The following LTBP1 variants were observed in gnomAD, a reference collection of about 807,000 sequenced individuals.
LTBP1 encodes latent-transforming growth factor beta-binding protein 1.
LTBP1 carries 129 observed loss-of-function variants against 207.6 expected under a neutral mutation model. The ratio of observed to expected loss-of-function variants is 0.62; its 90% CI spans 0.54 to 0.72. The LOEUF is 0.72. Ranked by LOEUF, LTBP1 falls within the 30% of genes least tolerant of loss-of-function variation. LTBP1 has a pLI of 0.00. For missense variants in LTBP1, 2,281 were observed against 2,217.2 expected, an observed-to-expected ratio of 1.03 and a Z score of -0.58; for synonymous variants, 963 against 833.7, an observed-to-expected ratio of 1.16 and a Z score of -2.67.
intron 3 of LTBP1, among the ~76,000 whole-genome samples, chr2:33,097,985 G>A (rs2079487450): frequency 6.6e-6 from 1 of 152,096 alleles, no homozygotes; most frequent in Admixed American, 6.5e-5. Flanking sequence ...TGATTAGTAG[G>A]TCAATGAGTA....
chr2:33,101,787 T>A (rs760129166), intron 3 of LTBP1, among the ~76,000 whole-genome samples: 17 of 152,318 alleles, frequency 1.1e-4, no homozygotes, highest in Middle Eastern at 3.4e-3. Flanking sequence ...AGTAACCAAA[T>A]GTAGTAGCTC....
chr2:33,214,947 A>G (rs572445937), intron 7 of LTBP1, among the ~76,000 whole-genome samples: 10 of 151,030 alleles, frequency 6.6e-5, no homozygotes, highest in Admixed American at 6.6e-4. Flanking sequence ...CTGCTTTTAT[A>G]TTAGGGAAGT....
At chr2:32,982,878 C>G (rs1388280889) in intron 2 of LTBP1, among the ~76,000 whole-genome samples, 1 of 152,196 alleles carries the variant, frequency 6.6e-6, no homozygotes, top group East Asian at 1.9e-4. Context: ...GGGGCAGGGC[C>G]CTCATGGAGA....
intron 23 of LTBP1, among the ~76,000 whole-genome samples, chr2:33,314,686 A>G (rs748836840): frequency 1.5e-4 from 23 of 152,230 alleles, no homozygotes; most frequent in Non-Finnish European, 2.5e-4. Flanking sequence ...AATACTATAA[A>G]TAAGACATGT....
intron 3 of LTBP1, among the ~76,000 whole-genome samples, chr2:33,047,325 A>G (rs4640434): frequency 0.094 from 14,327 of 152,096 alleles, 901 homozygotes; most frequent in Non-Finnish European, 0.14. Flanking sequence ...CTTTGTTCTC[A>G]TTGGTTTCAA....
chr2:33,044,355 A>C (rs1049958079), intron 3 of LTBP1, among the ~76,000 whole-genome samples: 4 of 152,100 alleles, frequency 2.6e-5, no homozygotes, highest in African/African-American at 4.8e-5. Context: ...ACGAGTGAGA[A>C]CATGTGGTGT....
intron 2 of LTBP1, among the ~76,000 whole-genome samples, chr2:32,962,622 T>C (rs1057178292): frequency 1.3e-5 from 2 of 152,260 alleles, no homozygotes; most frequent in African/African-American, 4.8e-5. Context: ...TCTTTTTGTT[T>C]TACGAGAATG....
At chr2:33,139,025 A>G (rs2082409058) in intron 5 of LTBP1, among the ~76,000 whole-genome samples, 1 of 150,396 alleles carries the variant, frequency 6.6e-6, no homozygotes, top group Non-Finnish European at 1.5e-5. Flanking sequence ...CGCCCGGCTA[A>G]TTTTTTGTAT....
At chr2:32,964,328 T>A (rs930155506) in intron 2 of LTBP1, among the ~76,000 whole-genome samples, 1 of 152,260 alleles carries the variant, frequency 6.6e-6, no homozygotes, top group South Asian at 2.1e-4. Flanking sequence ...GCTTGTCCTG[T>A]GAAATAGGGA....
At chr2:33,376,947 T>A (rs887118297) in intron 31 of LTBP1, among the ~76,000 whole-genome samples, 2 of 151,870 alleles carry the variant, frequency 1.3e-5, no homozygotes, top group Non-Finnish European at 2.9e-5. Context: ...GATGCTAAAT[T>A]GTGTGTTTTT....
chr2:33,316,528 G>A (rs1174479468), intron 24 of LTBP1, among the ~76,000 whole-genome samples: 5 of 152,172 alleles, frequency 3.3e-5, no homozygotes, highest in African/African-American at 1.2e-4. Context: ...AAACATGGAT[G>A]CCAGATTTGA....
intron 5 of LTBP1, among the ~76,000 whole-genome samples, chr2:33,135,901 A>G (rs1339022271): frequency 6.6e-6 from 1 of 152,244 alleles, no homozygotes; most frequent in Non-Finnish European, 1.5e-5. Flanking sequence ...TGTCAGACAG[A>G]TAATAACACT....
chr2:33,040,535 CTTGGTAAACACGT>C (rs2076133119), intron 3 of LTBP1, among the ~76,000 whole-genome samples: 1 of 152,196 alleles, frequency 6.6e-6, no homozygotes, highest in African/African-American at 2.4e-5. Flanking sequence ...TTTCAAAGCC[CTTGGTAAACACGT>C]TCATCTACTG....
chr2:33,182,735 CA>C (rs2086797961), intron 5 of LTBP1, among the ~76,000 whole-genome samples: 1 of 84,860 alleles, frequency 1.2e-5, no homozygotes, highest in Non-Finnish European at 2.5e-5. Context: ...CACACACACA[CA>C]GACATATATA....
intron 2 of LTBP1, among the ~76,000 whole-genome samples, chr2:33,005,080 A>T (rs1686637076): frequency 6.6e-6 from 1 of 152,128 alleles, no homozygotes; most frequent in Non-Finnish European, 1.5e-5. Context: ...GTGAGAGTTA[A>T]TGCAGCAGGC....
At chr2:33,357,181 G>A (rs550390200) in intron 26 of LTBP1, among the ~76,000 whole-genome samples, 6 of 152,262 alleles carry the variant, frequency 3.9e-5, no homozygotes, top group Non-Finnish European at 5.9e-5. Flanking sequence ...GGCCCTACAA[G>A]CAAATGGCCC....
chr2:32,966,869 T>G (rs1680088492), intron 2 of LTBP1, among the ~76,000 whole-genome samples: 1 of 152,166 alleles, frequency 6.6e-6, no homozygotes, highest in Non-Finnish European at 1.5e-5. Context: ...GATTTTGGTA[T>G]TAGGGTGATG....
chr2:33,145,885 C>T (rs923383646), intron 5 of LTBP1, among the ~76,000 whole-genome samples: 5 of 152,184 alleles, frequency 3.3e-5, no homozygotes, highest in Admixed American at 6.5e-5. Flanking sequence ...ACACTCACTG[C>T]AGAAATCATA....
rs560300339 is a variant in LTBP1 at position 33,236,404 on chromosome 2, T to C, written c.1877-7258T>C. ...CTACTGCTGCACTTTCTAGTTTAAA[T>C]GTGCACAGTATTTTCAGTAAGAATT... is the stretch of plus-strand genomic sequence containing the variant. On this transcript the variant is annotated intron_variant, in intron 9 of 33. Coordinates refer to ENST00000404816, the MANE Select transcript of LTBP1 (RefSeq NM_206943.4). 1.1e-4 allele frequency among the ~76,000 whole-genome samples: 17 copies of C among 152,368 alleles called. 1 individual carries two copies. In the South Asian group the frequency reaches 3.1e-3, roughly 28 times the overall value.
Sources: allele counts gnomAD v4.1 joint callset (sites outside exome capture counted in the v4.1 genomes callset), GRCh38; gene constraint gnomAD v4.1.1; transcripts MANE v1.5; gene names NCBI Gene and HGNC (gene_info 2026-07-23, HGNC 2026-07-21).